The following TMEM9 variants were observed in gnomAD, a reference collection of about 807,000 sequenced individuals.
The protein encoded by TMEM9 is proton-transporting V-type ATPase complex assembly regulator TMEM9.
TMEM9 carries 13 observed loss-of-function variants against 22.8 expected under a neutral mutation model. The ratio of observed to expected loss-of-function variants is 0.57; its 90% CI spans 0.37 to 0.91. The LOEUF (loss-of-function observed/expected upper bound fraction) is 0.91. Ranked by LOEUF, TMEM9 falls within the 40% of genes least tolerant of loss-of-function variation. The probability of loss-of-function intolerance (pLI) is 0.01; values close to 1 mark genes in which losing one functional copy is unlikely to be tolerated. For missense variants in TMEM9, 182 were observed against 238.1 expected, an observed-to-expected ratio of 0.76 and a Z score of 1.55; for synonymous variants, 88 against 93.0, an observed-to-expected ratio of 0.95 and a Z score of 0.31.
At chr1:201,167,599 T>C (rs1371152367) in intron 1 of TMEM9, among the ~76,000 whole-genome samples, 3 of 152,256 alleles carry the variant, frequency 2.0e-5, no homozygotes, top group Admixed American at 6.5e-5. Flanking sequence ...ACACCTTAGC[T>C]GAATTCAGGC....
chr1:201,160,863 G>A (rs1352039322), intron 1 of TMEM9, among the ~76,000 whole-genome samples: 5 of 151,556 alleles, frequency 3.3e-5, no homozygotes, highest in African/African-American at 1.2e-4. Context: ...GTGAACCCGG[G>A]AGGCGGAGCT....
chr1:201,136,573 T>C (rs1159101015), intron 4 of TMEM9, among the ~76,000 whole-genome samples: 1 of 152,128 alleles, frequency 6.6e-6, no homozygotes, highest in East Asian at 1.9e-4. Flanking sequence ...CCTCCTTTGA[T>C]AGCTGAGGAC....
At chr1:201,162,561 A>G (rs1356952214) in intron 1 of TMEM9, among the ~76,000 whole-genome samples, 4 of 151,940 alleles carry the variant, frequency 2.6e-5, no homozygotes, top group African/African-American at 9.7e-5. Flanking sequence ...CCCTGACTGA[A>G]GTCTCATACC....
intron 1 of TMEM9, among the ~76,000 whole-genome samples, chr1:201,169,333 A>C (rs1558123408): frequency 1.3e-5 from 2 of 152,180 alleles, no homozygotes; most frequent in Non-Finnish European, 2.9e-5. Context: ...CAAACAAGCT[A>C]ATTTGACCTC....
upstream of TMEM9, among the ~76,000 whole-genome samples, chr1:201,155,205 A>C (rs1267069937): frequency 6.6e-6 from 1 of 152,194 alleles, no homozygotes; most frequent in Non-Finnish European, 1.5e-5. Context: ...CCCCCTAAGC[A>C]GCTGTGTTAG....
upstream of TMEM9, among the ~76,000 whole-genome samples, chr1:201,156,109 T>C (rs1216004044): frequency 2.0e-5 from 3 of 152,166 alleles, no homozygotes; most frequent in Non-Finnish European, 4.4e-5. Context: ...CTCCAATGGA[T>C]GACCCTCTGA....
At chr1:201,147,563 C>T (rs1334480902) in intron 2 of TMEM9, among the ~76,000 whole-genome samples, 1 of 152,196 alleles carries the variant, frequency 6.6e-6, no homozygotes, top group African/African-American at 2.4e-5. Flanking sequence ...CTCGGACAAC[C>T]GCACCAGCCT....
chr1:201,157,876 GA>G (rs1665842796), upstream of TMEM9, among the ~76,000 whole-genome samples: 2 of 152,292 alleles, frequency 1.3e-5, no homozygotes, highest in African/African-American at 4.8e-5. Flanking sequence ...GTGGTGGGCA[GA>G]ACAATGTCGC....
At chr1:201,140,018 G>A (rs554045087) in intron 4 of TMEM9, among the ~76,000 whole-genome samples, 15 of 152,312 alleles carry the variant, frequency 9.8e-5, no homozygotes, top group South Asian at 2.1e-4. Flanking sequence ...TGTCTGTTCC[G>A]TGTTTCACTG....
chr1:201,137,250 T>C (rs1664079847), intron 4 of TMEM9, among the ~76,000 whole-genome samples: 1 of 132,356 alleles, frequency 7.6e-6, no homozygotes, highest in South Asian at 2.4e-4. Context: ...GGGGATCACC[T>C]GCCCCTTCCA....
chr1:201,145,927 A>T (rs1664918844), intron 3 of TMEM9, among the ~76,000 whole-genome samples: 1 of 152,204 alleles, frequency 6.6e-6, no homozygotes, highest in Admixed American at 6.5e-5. Flanking sequence ...GTGCCACTGG[A>T]CTACAGCATA....
intron 4 of TMEM9, among the ~76,000 whole-genome samples, chr1:201,140,306 G>C (rs997688762): frequency 6.6e-6 from 1 of 152,226 alleles, no homozygotes; most frequent in Non-Finnish European, 1.5e-5. Flanking sequence ...GAAACCATGT[G>C]TCTCTCTTCA....
At chr1:201,162,933 C>T (rs1166228654) in intron 1 of TMEM9, among the ~76,000 whole-genome samples, 1 of 151,988 alleles carries the variant, frequency 6.6e-6, no homozygotes, top group East Asian at 1.9e-4. Context: ...AGAGGATATA[C>T]ATATGGCAAA....
chr1:201,166,487 C>T (rs1386528092), intron 1 of TMEM9, among the ~76,000 whole-genome samples: 2 of 151,950 alleles, frequency 1.3e-5, no homozygotes, highest in Admixed American at 6.6e-5. Flanking sequence ...CTCAGCCTCC[C>T]GAGTAGCTGA....
At chr1:201,153,836 G>A in intron 1 of TMEM9, 22 bp downstream of exon 1, 2 of 1,613,958 alleles carry the variant, frequency 1.2e-6, no homozygotes, top group Non-Finnish European at 1.7e-6. Flanking sequence ...GTGACCAGGT[G>A]CTGCAGGCTC....
intron 1 of TMEM9, among the ~76,000 whole-genome samples, chr1:201,167,001 T>G (rs753227052): frequency 2.0e-5 from 3 of 152,232 alleles, no homozygotes; most frequent in Non-Finnish European, 4.4e-5. Context: ...TGTATGCAAG[T>G]TGATTCTAAG....
At chr1:201,146,884 C>T in intron 2 of TMEM9, 36 bp from the exon 3 acceptor site, 3 of 1,600,768 alleles carry the variant, frequency 1.9e-6, no homozygotes, top group Non-Finnish European at 2.6e-6. Context: ...CGAGGCAGGG[C>T]CACCACGTCT....
At chr1:201,140,821 T>C (rs879276433) in intron 4 of TMEM9, among the ~76,000 whole-genome samples, 35 of 152,186 alleles carry the variant, frequency 2.3e-4, no homozygotes, top group Non-Finnish European at 4.3e-4. Context: ...TTTGTTCCTC[T>C]TGGGGTGAAA....
chr1:201,144,247 G>A (rs1664774657), intron 3 of TMEM9: 4 of 297,352 alleles, frequency 1.3e-5, no homozygotes, highest in Non-Finnish European at 2.6e-5. Flanking sequence ...AGGCTCCCGG[G>A]GTAGAGATGG....
Sources: allele counts gnomAD v4.1 joint callset (sites outside exome capture counted in the v4.1 genomes callset), GRCh38; gene constraint gnomAD v4.1.1; transcripts MANE v1.5; gene names NCBI Gene and HGNC (gene_info 2026-07-23, HGNC 2026-07-21).